Variants in ASB15 observed in about 807,000 individuals in gnomAD.
ASB15 encodes the protein ankyrin repeat and SOCS box containing 15.
ASB15 carries 54 observed loss-of-function variants against 58.0 expected under a neutral mutation model. That is an observed-to-expected ratio of 0.93 (90% CI 0.75 to 1.17). ASB15 has a LOEUF of 1.17. Among genes scored for constraint, ASB15 ranks in the 50% most tolerant of loss-of-function variants. ASB15 has a pLI of 0.00. For missense variants in ASB15, 680 were observed against 707.4 expected (o/e 0.96, Z 0.44); for synonymous variants, 249 against 262.4 (o/e 0.95, Z 0.50).
chr7:123,623,900 ATG>A lies in ASB15; in HGVS notation c.452-668_452-667del, dbSNP rs1562935550. On this transcript the variant is annotated intron_variant, in intron 7 of 11. Transcript: ENST00000451215. ...AAGAAAAGAAAAGAAGAAAGAAAGA[ATG>A]GAAGGAAGGAAGGAAGGAAGAAAGA... 2.5e-4 allele frequency among the ~76,000 whole-genome samples: 11 copies of A among 43,138 alleles called. 2 individuals carry two copies. Among genetic ancestry groups the A allele is most frequent in the African/African-American group, 1.2e-3 (11 of 9,428 alleles). The allele number at this position is 43,138 out of a possible 152,430, so 28.3% of individuals were successfully genotyped here. A position where few individuals can be genotyped will look rare whatever the true frequency, so the allele number is the denominator to read the frequency against.
intron 7 of ASB15, among the ~76,000 whole-genome samples, chr7:123,623,479 T>C (rs1272502125): frequency 1.3e-5 from 2 of 152,156 alleles, no homozygotes; most frequent in Admixed American, 1.3e-4. Flanking sequence ...ACCTCCTTAA[T>C]TGTACTACAT....
At chr7:123,606,863 T>C (rs1800171542) in intron 2 of ASB15, among the ~76,000 whole-genome samples, 1 of 152,232 alleles carries the variant, frequency 6.6e-6, no homozygotes, top group African/African-American at 2.4e-5. Flanking sequence ...AATGGACATT[T>C]AGGTTGTTTC....
At chr7:123,618,473 C>G (rs1408788389) in intron 7 of ASB15, among the ~76,000 whole-genome samples, 1 of 151,980 alleles carries the variant, frequency 6.6e-6, no homozygotes, top group Non-Finnish European at 1.5e-5. Context: ...TCAGTTTTCT[C>G]AAGTATAAAA....
At chr7:123,589,930 C>T (rs923940576) in intron 1 of ASB15, among the ~76,000 whole-genome samples, 4 of 152,146 alleles carry the variant, frequency 2.6e-5, no homozygotes, top group African/African-American at 9.7e-5. Context: ...ATTTACACTC[C>T]CACCAACAGT....
At chr7:123,585,798 T>C (rs1799360393) in intron 1 of ASB15, among the ~76,000 whole-genome samples, 1 of 151,842 alleles carries the variant, frequency 6.6e-6, no homozygotes, top group Admixed American at 6.6e-5. Context: ...TCAACGTTTT[T>C]AGATTCCACA....
At chr7:123,621,942 G>A (rs1251340231) in intron 7 of ASB15, among the ~76,000 whole-genome samples, 4 of 152,148 alleles carry the variant, frequency 2.6e-5, no homozygotes, top group Admixed American at 6.5e-5. Flanking sequence ...CTGGCATGAC[G>A]CTTCAGTCCC....
chr7:123,625,828 C>A (rs1430309914), intron 8 of ASB15, among the ~76,000 whole-genome samples: 1 of 152,162 alleles, frequency 6.6e-6, no homozygotes, highest in African/African-American at 2.4e-5. Flanking sequence ...CCGCATGATC[C>A]CCAGTGATTC....
intron 1 of ASB15, among the ~76,000 whole-genome samples, chr7:123,569,638 A>G (rs924930124): frequency 2.0e-5 from 3 of 152,218 alleles, no homozygotes; most frequent in African/African-American, 7.2e-5. Flanking sequence ...AGAAAGGTGG[A>G]CAAGGTTATT....
intron 1 of ASB15, among the ~76,000 whole-genome samples, chr7:123,593,582 T>C (rs925935143): frequency 6.6e-6 from 1 of 152,184 alleles, no homozygotes; most frequent in Non-Finnish European, 1.5e-5. Flanking sequence ...TTTTTTTTCT[T>C]TAAGAATGTT....
At chr7:123,584,287 T>C (rs1325992916) in intron 1 of ASB15, among the ~76,000 whole-genome samples, 1 of 134,314 alleles carries the variant, frequency 7.4e-6, no homozygotes, top group Non-Finnish European at 1.5e-5. Flanking sequence ...ACTCAGCCTG[T>C]GTGACACAGA....
chr7:123,600,769 G>A (rs78355437), upstream of ASB15, among the ~76,000 whole-genome samples: 3,915 of 152,100 alleles, frequency 0.026, 161 homozygotes, highest in African/African-American at 0.089. Flanking sequence ...TCACATTTAC[G>A]GTTTCTCAAT....
chr7:123,596,305 G>A (rs11771323), intron 1 of ASB15: 44,999 of 151,950 alleles, frequency 0.3, 6,807 homozygotes, highest in East Asian at 0.4. Flanking sequence ...ATGGTAGAAA[G>A]GATGGATTTA....
chr7:123,632,101 TAGAA>T (rs1317746981), intron 11 of ASB15, among the ~76,000 whole-genome samples: 1 of 151,380 alleles, frequency 6.6e-6, no homozygotes, highest in Non-Finnish European at 1.5e-5. Context: ...ATAATAATAA[TAGAA>T]AGAAGAACAG....
intron 1 of ASB15, among the ~76,000 whole-genome samples, chr7:123,589,533 A>G (rs906179193): frequency 6.6e-6 from 1 of 151,808 alleles, no homozygotes; most frequent in Non-Finnish European, 1.5e-5. Context: ...CTGTGTTCTC[A>G]TTATTCAACT....
chr7:123,635,852 G>T (rs1013410695), intron 11 of ASB15, among the ~76,000 whole-genome samples: 4 of 151,580 alleles, frequency 2.6e-5, no homozygotes, highest in Admixed American at 6.6e-5. Context: ...TGGTAATGTT[G>T]CATCAATAAT....
intron 9 of ASB15, among the ~76,000 whole-genome samples, chr7:123,627,562 C>A (rs1801877651): frequency 6.6e-6 from 1 of 152,172 alleles, no homozygotes; most frequent in African/African-American, 2.4e-5. Flanking sequence ...ACAAGCCACT[C>A]AAGAGTGCCT....
chr7:123,617,780 A>T, intron 7 of ASB15, 43 bp downstream of exon 7: 2 of 1,541,792 alleles, frequency 1.3e-6, no homozygotes, highest in South Asian at 1.2e-5. Flanking sequence ...TTTGAAACAA[A>T]GAATAAGTAT....
At chr7:123,613,079 T>C (rs1019152535) in intron 3 of ASB15, among the ~76,000 whole-genome samples, 4 of 152,020 alleles carry the variant, frequency 2.6e-5, no homozygotes, top group Admixed American at 2.6e-4. Context: ...CACTATTCTA[T>C]ACCTTTTGTT....
chr7:123,573,847 T>C (rs1798983380), intron 1 of ASB15, among the ~76,000 whole-genome samples: 1 of 152,156 alleles, frequency 6.6e-6, no homozygotes, highest in Non-Finnish European at 1.5e-5. Flanking sequence ...TCTACAGAAA[T>C]GTTTATATTA....
Sources: allele counts gnomAD v4.1 joint callset (sites outside exome capture counted in the v4.1 genomes callset), GRCh38; gene constraint gnomAD v4.1.1; transcripts MANE v1.5; gene names NCBI Gene and HGNC (gene_info 2026-07-23, HGNC 2026-07-21).